The following SLC7A8 variants were observed in gnomAD, a reference collection of about 807,000 sequenced individuals.
SLC7A8 encodes the protein large neutral amino acids transporter small subunit 2.
SLC7A8 carries 30 observed loss-of-function variants against 51.2 expected under a neutral mutation model. The ratio of observed to expected loss-of-function variants is 0.59; its 90% CI spans 0.44 to 0.80. SLC7A8 has a LOEUF of 0.80. Ranked by LOEUF, SLC7A8 falls within the 30% of genes least tolerant of loss-of-function variation. SLC7A8 has a pLI of 0.00. For missense variants in SLC7A8, 612 were observed against 674.4 expected (o/e 0.91, Z 1.03); for synonymous variants, 257 against 275.8 (o/e 0.93, Z 0.67).
At chr14:23,174,082 T>A (rs2048987960) in intron 1 of SLC7A8, among the ~76,000 whole-genome samples, 1 of 152,260 alleles carries the variant, frequency 6.6e-6, no homozygotes, top group South Asian at 2.1e-4. Context: ...CTTTTTCTAA[T>A]CAGTGGTTCC....
At chr14:23,143,788 A>G (rs568188259) in intron 3 of SLC7A8, among the ~76,000 whole-genome samples, 1 of 152,296 alleles carries the variant, frequency 6.6e-6, no homozygotes, top group South Asian at 2.1e-4. Flanking sequence ...CTTTTGCATC[A>G]TGCTCCTTTG....
chr14:23,129,511 C>T lies in SLC7A8; in HGVS notation c.1263+139G>A, dbSNP rs148685445. ...AATAGTGGTCCCATTCACAAATGGC[C>T]CTTGCTTTCCAAAGGGTCTGCTACC... On this transcript the variant is annotated intron_variant, in intron 9 of 10. Coordinates refer to ENST00000316902, the MANE Select transcript of SLC7A8 (RefSeq NM_012244.4). 357 of 958,468 alleles carry T rather than the reference C, an allele frequency of 3.7e-4. No homozygotes were observed. In the East Asian group the frequency reaches 8.6e-3, roughly 23 times the overall value. The allele number at this position is 958,468 out of a possible 1,614,324, so 59.4% of individuals were successfully genotyped here.
chr14:23,175,123 C>G (rs966395757), intron 1 of SLC7A8, among the ~76,000 whole-genome samples: 14 of 152,194 alleles, frequency 9.2e-5, no homozygotes, highest in African/African-American at 3.4e-4. Context: ...ACCTCTACCC[C>G]ACTTCAATAA....
Position 23,128,157 on chromosome 14 carries a change from C to T in SLC7A8, c.1303G>A (p.Ala435Thr), listed in dbSNP as rs1294194882. 6.2e-7 allele frequency: 1 copy of T among 1,614,126 alleles called. No homozygotes were observed. The highest frequency in any genetic ancestry group is 8.5e-7 in the Non-Finnish European group (1 of 1,180,000). Reference protein sequence around the residue: ...LFPIIYLLFWAFLLVFSLWSE... With the variant: ...LFPIIYLLFWTFLLVFSLWSE... ...CACAGGCTGAAGACCAGCAGGAAGG[C>T]CCAGAACAGCAAGTAGATGATGGGG... The change falls in exon 10 of 11, where the codon GCC becomes ACC. Residue 435 changes from alanine to threonine, a missense_variant. By Grantham distance (58) the Ala-to-Thr change is moderately conservative (BLOSUM62 0). Transcript: ENST00000316902. This position sits in a 1 kb window ranked among gnomAD's most constrained non-coding sequence, Gnocchi z 4.3.
In SLC7A8 at chr14:23,167,077, A is replaced by C. The variant is rs528522720; in HGVS notation, c.152-537T>G. ...TTGGACAGATTGCGGTCATACCCCA[A>C]GACTGGGGGTTTTCAAGACTTACAA... On this transcript the variant is annotated intron_variant, in intron 1 of 10. Coordinates refer to ENST00000316902, the MANE Select transcript of SLC7A8 (RefSeq NM_012244.4). 2.1e-3 allele frequency among the ~76,000 whole-genome samples: 314 copies of C among 152,336 alleles called. 6 individuals carry two copies. The highest frequency in any genetic ancestry group is 4.3e-4 in the Non-Finnish European group (29 of 68,032).
At chr14:23,173,338 G>A (rs2048984037) in intron 1 of SLC7A8, among the ~76,000 whole-genome samples, 1 of 152,234 alleles carries the variant, frequency 6.6e-6, no homozygotes, top group South Asian at 2.1e-4. Context: ...GTCTTCCTGG[G>A]AGAGGGGAGT....
rs764207360 is a variant in SLC7A8 at position 23,139,430 on chromosome 14, G to T, written c.906C>A (p.Val302=). The T allele has an allele frequency of 6.2e-7, 1 of 1,614,000 alleles. No individual in the cohort carries two copies. The highest frequency in any genetic ancestry group is 8.5e-7 in the Non-Finnish European group (1 of 1,179,930). ...SPQELLASNA[V]AVTFGEKLLG... ...TGGGACTTTCATTTCTTACCACAGCGACGGCGTTGGATGCCAGCAGCTCCT... is the reference window on the plus strand; with the variant it reads ...TGGGACTTTCATTTCTTACCACAGCTACGGCGTTGGATGCCAGCAGCTCCT... The change falls in exon 6 of 11, where the codon GTC becomes GTA. Residue 302 remains valine (V), a synonymous_variant. Coordinates refer to ENST00000316902, the MANE Select transcript of SLC7A8 (RefSeq NM_012244.4).
intron 1 of SLC7A8, among the ~76,000 whole-genome samples, chr14:23,182,264 C>T (rs1402585017): frequency 6.6e-6 from 1 of 152,116 alleles, no homozygotes; most frequent in African/African-American, 2.4e-5. Context: ...AGGTGGAAAA[C>T]GCTAAAATAA....
intron 1 of SLC7A8, 121 bp from the exon 2 acceptor site, chr14:23,166,661 T>C (rs1013104647): frequency 1.8e-5 from 18 of 982,750 alleles, no homozygotes; most frequent in Non-Finnish European, 2.8e-5. Flanking sequence ...TATATGTAAA[T>C]GATCTGCAGG....
At chr14:23,138,115 A>C (rs760291657) in intron 6 of SLC7A8, 91 bp from the exon 7 acceptor site, 1 of 1,465,770 alleles carries the variant, frequency 6.8e-7, no homozygotes, top group African/African-American at 1.4e-5. Context: ...CGTTTCTCCT[A>C]TCTCCACCCT....
Position 23,182,978 on chromosome 14 carries a change from A to G in SLC7A8, c.-64T>C. On this transcript the variant is annotated 5_prime_UTR_variant, in exon 1 of 11. Transcript: ENST00000316902. ...TTTCTAAATGCGTATTCGTGTAAATATATTGGGAGAGAGCTTTGAATTAGA... is the reference window on the plus strand; with the variant it reads ...TTTCTAAATGCGTATTCGTGTAAATGTATTGGGAGAGAGCTTTGAATTAGA... The G allele has an allele frequency of 6.2e-7, 1 of 1,604,156 alleles. No homozygotes were observed. The highest frequency in any genetic ancestry group is 8.5e-7 in the Non-Finnish European group (1 of 1,172,448).
At chr14:23,131,382 G>GA in intron 8 of SLC7A8, 79 bp downstream of exon 8, 1 of 1,239,852 alleles carries the variant, frequency 8.1e-7, no homozygotes, top group Non-Finnish European at 1.1e-6. Flanking sequence ...GGGTGTGTGT[G>GA]AAAAGCATGA....
At position 23,139,430 on chromosome 14, in the gene SLC7A8, G is replaced by A. The variant is rs764207360; in HGVS notation, c.906C>T (p.Val302=). 1.2e-5 allele frequency: 19 copies of A among 1,613,884 alleles called. No homozygotes were observed. The highest frequency in any genetic ancestry group is 8.0e-5 in the African/African-American group (6 of 74,920). ...TGGGACTTTCATTTCTTACCACAGC[G>A]ACGGCGTTGGATGCCAGCAGCTCCT... ...SPQELLASNA[V]AVTFGEKLLG... is the part of the protein sequence containing the mutation. The change falls in exon 6 of 11, where the codon GTC becomes GTT. Residue 302 remains valine, a synonymous_variant. Transcript: ENST00000316902.
At chr14:23,181,102 C>T (rs1436429702) in intron 1 of SLC7A8, among the ~76,000 whole-genome samples, 2 of 152,140 alleles carry the variant, frequency 1.3e-5, no homozygotes, top group African/African-American at 4.8e-5. Flanking sequence ...TTTAATTGTG[C>T]TTGTGTGCCT....
chr14:23,165,239 A>G lies in SLC7A8; in HGVS notation c.508+46T>C. 6.7e-7 allele frequency: 1 copy of G among 1,491,640 alleles called. No individual in the cohort carries two copies. Among genetic ancestry groups the G allele is most frequent in the Non-Finnish European group, 8.9e-7 (1 of 1,122,848 alleles). The allele number at this position is 1,491,640 out of a possible 1,614,324, so 92.4% of individuals were successfully genotyped here. The stretch of plus-strand genomic sequence containing the variant: ...GTTTCTAAAAATAATAATAATAAAT[A>G]TAATAAAAGAGGCTGTCTTGCTACC... On this transcript the variant is annotated intron_variant, in intron 3 of 10. Transcript: ENST00000316902. The surrounding 1 kb of genome is among the most constrained non-coding windows in gnomAD (Gnocchi z 4.2).
chr14:23,182,729 G>A, intron 1 of SLC7A8, 35 bp downstream of exon 1: 2 of 1,522,770 alleles, frequency 1.3e-6, no homozygotes, highest in Non-Finnish European at 1.8e-6. Flanking sequence ...CACCAGAGGG[G>A]AGAGGAGGGG....
rs940134230 is a variant in SLC7A8 at position 23,139,459 on chromosome 14, G to A, written c.877C>T (p.Pro293Ser). Residue 293 changes from proline to serine, a missense_variant, in exon 6 of 11, where the codon CCC (proline) becomes TCC (serine). Pro to Ser is a moderately conservative substitution (Grantham distance 74). Coordinates refer to ENST00000316902, the MANE Select transcript of SLC7A8 (RefSeq NM_012244.4). ...GCGTTGGATGCCAGCAGCTCCTGGG[G>A]GGACATTGCAGTGACATAAGCGACA... The part of the protein sequence containing the change: ...ANVAYVTAMS[P>S]QELLASNAVA... The A allele has an allele frequency of 6.2e-7, 1 of 1,614,126 alleles. No individual in the cohort carries two copies. The highest frequency in any genetic ancestry group is 8.5e-7 in the Non-Finnish European group (1 of 1,179,990).
intron 3 of SLC7A8, among the ~76,000 whole-genome samples, chr14:23,144,840 T>A (rs1298681663): frequency 6.6e-6 from 1 of 152,184 alleles, no homozygotes; most frequent in Non-Finnish European, 1.5e-5. Context: ...CTGTGTTTTG[T>A]AGACGAGGAA....
intron 3 of SLC7A8, among the ~76,000 whole-genome samples, chr14:23,145,459 G>A (rs529609679): frequency 3.2e-4 from 49 of 151,190 alleles, no homozygotes; most frequent in African/African-American, 1.1e-3. Flanking sequence ...CCCGGGAGGC[G>A]GAGGTTGCAG....
Sources: gnomAD v4.1 joint callset for allele counts (sites outside exome capture counted in the v4.1 genomes callset) on GRCh38, gnomAD v4.1.1 for gene constraint, Gnocchi (gnomAD v3.1) non-coding constraint, MANE v1.5 for transcripts, NCBI Gene and HGNC (gene_info 2026-07-23, HGNC 2026-07-21) for gene names.